Variants in SAMD5 observed in about 807,000 individuals in gnomAD.
The protein encoded by SAMD5 is sterile alpha motif domain-containing protein 5.
In SAMD5, 13 loss-of-function variants were observed where a neutral mutation model predicts 11.3. The ratio of observed to expected loss-of-function variants is 1.15; its 90% CI spans 0.75 to 1.83. The LOEUF (loss-of-function observed/expected upper bound fraction) is 1.83. Ranked by LOEUF, SAMD5 falls within the 40% of genes most tolerant of loss-of-function variation. The pLI is 0.00. For synonymous variants in SAMD5, 129 were observed against 111.3 expected, an observed-to-expected ratio of 1.16 and a Z score of -1.00; for missense variants, 255 against 239.1, an observed-to-expected ratio of 1.07 and a Z score of -0.44.
At chr6:147,884,195 T>G in the SAMD5 span, among the ~76,000 whole-genome samples, 3 of 152,142 alleles carry the variant, frequency 2.0e-5, no homozygotes, top group Admixed American at 6.6e-5. Flanking sequence ...TTGCCTAAGA[T>G]GTACAGTTGG....
the SAMD5 span, among the ~76,000 whole-genome samples, chr6:147,760,560 T>A: frequency 1.3e-5 from 2 of 152,156 alleles, no homozygotes; most frequent in Non-Finnish European, 1.5e-5. Flanking sequence ...AGTTTCTCCT[T>A]TTTGAGGCAT....
chr6:147,741,721 T>C (rs1327023495), downstream of SAMD5: 2 of 152,140 alleles, frequency 1.3e-5, no homozygotes, highest in African/African-American at 4.8e-5. Flanking sequence ...CTTGAATATA[T>C]GGAAAAACAG....
chr6:147,725,298 T>C (rs1370233460), intron 1 of SAMD5, among the ~76,000 whole-genome samples: 1 of 151,794 alleles, frequency 6.6e-6, no homozygotes, highest in Non-Finnish European at 1.5e-5. Flanking sequence ...AAAGTAGACA[T>C]GGACCAAGCA....
chr6:147,909,056 A>T, the SAMD5 span, among the ~76,000 whole-genome samples: 5 of 152,186 alleles, frequency 3.3e-5, no homozygotes, highest in Admixed American at 6.5e-5. Context: ...AAAAAAATTT[A>T]AAAATTAGCC....
intron 1 of SAMD5, among the ~76,000 whole-genome samples, chr6:147,522,987 G>A (rs948932109): frequency 1.3e-5 from 2 of 152,120 alleles, no homozygotes; most frequent in Non-Finnish European, 2.9e-5. Flanking sequence ...GTAAAGAGGG[G>A]CTTTTTTTCT....
intron 1 of SAMD5, among the ~76,000 whole-genome samples, chr6:147,614,068 G>A (rs1405820220): frequency 6.6e-6 from 1 of 151,962 alleles, no homozygotes; most frequent in African/African-American, 2.4e-5. Context: ...TGGGGAGATC[G>A]AGAAAAGCCT....
At chr6:147,883,526 T>C in the SAMD5 span, among the ~76,000 whole-genome samples, 1 of 151,862 alleles carries the variant, frequency 6.6e-6, no homozygotes, top group African/African-American at 2.4e-5. Context: ...GTATTTTTCC[T>C]ACATAGAAAA....
chr6:147,772,981 C>G, the SAMD5 span, among the ~76,000 whole-genome samples: 1 of 152,132 alleles, frequency 6.6e-6, no homozygotes, highest in Middle Eastern at 3.2e-3. Flanking sequence ...TGGAACGACA[C>G]TCACATATAG....
intron 1 of SAMD5, among the ~76,000 whole-genome samples, chr6:147,636,470 C>T (rs12664360): frequency 0.48 from 73,146 of 152,016 alleles, 19,375 homozygotes; most frequent in South Asian, 0.66. Context: ...GTAATCAAGA[C>T]GCATGCATGA....
At chr6:147,804,086 T>C in the SAMD5 span, among the ~76,000 whole-genome samples, 1 of 151,696 alleles carries the variant, frequency 6.6e-6, no homozygotes, top group Non-Finnish European at 1.5e-5. Flanking sequence ...CTTGTCTTTG[T>C]TATTTTTTCT....
chr6:147,890,228 A>C, the SAMD5 span, among the ~76,000 whole-genome samples: 1 of 152,234 alleles, frequency 6.6e-6, no homozygotes, highest in Non-Finnish European at 1.5e-5. Context: ...TCATTAAGAA[A>C]AAAAGATAAC....
intron 1 of SAMD5, among the ~76,000 whole-genome samples, chr6:147,586,667 A>C (rs1363891353): frequency 2.6e-5 from 4 of 151,702 alleles, no homozygotes; most frequent in African/African-American, 9.7e-5. Flanking sequence ...TAGATATAAT[A>C]ATTTATATTT....
In SAMD5 at chr6:147,696,243, C is replaced by G. The variant is rs370155724; in HGVS notation, c.163-41074C>G. 4.6e-5 allele frequency among the ~76,000 whole-genome samples: 7 copies of G among 152,298 alleles called. No individual in the cohort carries two copies. In the East Asian group the frequency reaches 5.8e-4, roughly 13 times the overall value. ...AACTTGCCTTCTCCTTATCCTTTTA[C>G]TCATTCTCTCCTGAACTTCTTAGTG... On this transcript the variant is annotated intron_variant, in intron 1 of 1. Coordinates refer to the SAMD5 transcript ENST00000566741.
intron 1 of SAMD5, among the ~76,000 whole-genome samples, chr6:147,582,760 T>C (rs2128446386): frequency 6.6e-6 from 1 of 152,328 alleles, no homozygotes; most frequent in East Asian, 1.9e-4. Flanking sequence ...TTTTGAAAAC[T>C]ATAAAAACGG....
intron 1 of SAMD5, among the ~76,000 whole-genome samples, chr6:147,727,980 A>G (rs1791653385): frequency 6.6e-6 from 1 of 152,208 alleles, no homozygotes; most frequent in African/African-American, 2.4e-5. Context: ...ACCAGGGGTA[A>G]TCACCTAGTA....
At chr6:147,928,940 A>G in the SAMD5 span, among the ~76,000 whole-genome samples, 1 of 150,800 alleles carries the variant, frequency 6.6e-6, no homozygotes, top group South Asian at 2.1e-4. Flanking sequence ...ATTCAGGAGC[A>G]TGTTGTTTAA....
chr6:147,593,344 A>G (rs1297737822), intron 1 of SAMD5, among the ~76,000 whole-genome samples: 1 of 152,168 alleles, frequency 6.6e-6, no homozygotes, highest in Non-Finnish European at 1.5e-5. Flanking sequence ...TGATAAATGT[A>G]TCATCAATAC....
chr6:147,656,234 C>T (rs541400403), intron 1 of SAMD5, among the ~76,000 whole-genome samples: 22 of 152,264 alleles, frequency 1.4e-4, no homozygotes, highest in African/African-American at 5.1e-4. Flanking sequence ...ACTATACACA[C>T]GCTAGCAGAA....
intron 1 of SAMD5, among the ~76,000 whole-genome samples, chr6:147,534,618 A>G (rs1365688743): frequency 1.3e-5 from 2 of 152,152 alleles, no homozygotes; most frequent in African/African-American, 4.8e-5. Context: ...AGTTAGGGTT[A>G]AAATCATAGG....
Sources: allele counts gnomAD v4.1 joint callset (sites outside exome capture counted in the v4.1 genomes callset), GRCh38; gene constraint gnomAD v4.1.1; transcripts MANE v1.5; gene names NCBI Gene and HGNC (gene_info 2026-07-23, HGNC 2026-07-21).